The following GPR39 variants were observed in gnomAD, a reference collection of about 807,000 sequenced individuals.
The protein encoded by GPR39 is zinc sensing receptor.
In GPR39, 23 loss-of-function variants were observed where a neutral mutation model predicts 18.4. The observed-to-expected ratio is 1.25, with a 90% confidence interval of 0.90 to 1.77. The LOEUF is 1.77. Ranked by LOEUF, GPR39 falls within the 40% of genes most tolerant of loss-of-function variation. The probability of loss-of-function intolerance (pLI) is 0.00; values close to 1 mark genes in which losing one functional copy is unlikely to be tolerated. For missense variants in GPR39, 647 were observed against 602.4 expected, an observed-to-expected ratio of 1.07 and a Z score of -0.78; for synonymous variants, 280 against 257.9, an observed-to-expected ratio of 1.09 and a Z score of -0.82.
chr2:132,591,467 TC>T (rs1680842436), intron 1 of GPR39, among the ~76,000 whole-genome samples: 1 of 152,080 alleles, frequency 6.6e-6, no homozygotes, highest in Admixed American at 6.5e-5. Context: ...ACTGTCAGCT[TC>T]CCTACTTTTG....
chr2:132,569,529 G>A lies in GPR39; in HGVS notation c.857-75572G>A, dbSNP rs1032235746. ...AGCAGCTGTGGTGGGGAGGGGGGCT[G>A]TGGAGCTCTGTGGGGATGGGGTCCT... On this transcript the variant is annotated intron_variant, in intron 1 of 1. Coordinates refer to ENST00000329321, the MANE Select transcript of GPR39 (RefSeq NM_001508.3). Among the ~76,000 whole-genome samples, 90 of 151,886 alleles carry A rather than the reference G, an allele frequency of 5.9e-4. 2 individuals carry two copies. The highest frequency in any genetic ancestry group is 2.1e-3 in the African/African-American group (86 of 41,332).
chr2:132,434,106 TCTGC>T (rs1680269475), intron 1 of GPR39, among the ~76,000 whole-genome samples: 1 of 151,994 alleles, frequency 6.6e-6, no homozygotes, highest in African/African-American at 2.4e-5. Flanking sequence ...AGAAAGGATA[TCTGC>T]CTGGAGAGGT....
intron 1 of GPR39, among the ~76,000 whole-genome samples, chr2:132,427,187 C>A (rs1343630633): frequency 1.9e-5 from 2 of 107,110 alleles, no homozygotes; most frequent in Non-Finnish European, 3.6e-5. Context: ...TTTTTTGAGA[C>A]GGAGTCTTGC....
At chr2:132,564,215 G>C (rs969551254) in intron 1 of GPR39, among the ~76,000 whole-genome samples, 4 of 152,156 alleles carry the variant, frequency 2.6e-5, no homozygotes, top group African/African-American at 4.8e-5. Context: ...AAATGTAATA[G>C]TGTTAGTTTA....
intron 1 of GPR39, among the ~76,000 whole-genome samples, chr2:132,502,617 C>T (rs2104751660): frequency 6.6e-6 from 1 of 152,292 alleles, no homozygotes; most frequent in South Asian, 2.1e-4. Context: ...ATCTGGATCT[C>T]TAGCAAGGCT....
chr2:132,638,302 A>G (rs1271811566), intron 1 of GPR39, among the ~76,000 whole-genome samples: 1 of 152,202 alleles, frequency 6.6e-6, no homozygotes, highest in Non-Finnish European at 1.5e-5. Context: ...TAAAGGCTTC[A>G]GTGACAGTGC....
chr2:132,612,306 C>G (rs1681251466), intron 1 of GPR39, among the ~76,000 whole-genome samples: 1 of 152,032 alleles, frequency 6.6e-6, no homozygotes, highest in Non-Finnish European at 1.5e-5. Context: ...TCAACAGCCT[C>G]CCCCTCCCCT....
At chr2:132,453,767 G>A (rs1259174118) in intron 1 of GPR39, among the ~76,000 whole-genome samples, 2 of 152,076 alleles carry the variant, frequency 1.3e-5, no homozygotes, top group African/African-American at 2.4e-5. Flanking sequence ...TTTTTGTCAG[G>A]TTGGTCAAAG....
chr2:132,493,958 T>A (rs2104798958), intron 1 of GPR39, among the ~76,000 whole-genome samples: 1 of 152,162 alleles, frequency 6.6e-6, no homozygotes, highest in East Asian at 1.9e-4. Flanking sequence ...AAACTTCCGA[T>A]CAACTAAAGA....
chr2:132,524,608 T>A (rs528645994), intron 1 of GPR39, among the ~76,000 whole-genome samples: 3 of 152,320 alleles, frequency 2.0e-5, no homozygotes, highest in Admixed American at 6.5e-5. Context: ...GCTGTCAGCA[T>A]CTTTGTCCCA....
intron 1 of GPR39, among the ~76,000 whole-genome samples, chr2:132,582,173 C>G (rs151104044): frequency 6.6e-6 from 1 of 152,112 alleles, no homozygotes; most frequent in African/African-American, 2.4e-5. Context: ...ACAGGTGATC[C>G]GTGAGAAGGA....
Position 132,449,254 on chromosome 2 carries a change from T to TGG in GPR39, c.856+31356_856+31357insGG, listed in dbSNP as rs59757194. Among the ~76,000 whole-genome samples, 330 of 151,822 alleles carry TGG rather than the reference T, an allele frequency of 2.2e-3. 1 individual carries two copies. The highest frequency in any genetic ancestry group is 7.3e-3 in the African/African-American group (304 of 41,400). On this transcript the variant is annotated intron_variant, in intron 1 of 1. Coordinates refer to ENST00000329321, the MANE Select transcript of GPR39 (RefSeq NM_001508.3). ...GTGTTTTTTTGTTTGTTTGTTTGTT[T>TGG]TGTTTTGTTTTGAGACAGAGTCTCG...
intron 1 of GPR39, among the ~76,000 whole-genome samples, chr2:132,615,831 G>A (rs1681324003): frequency 6.6e-6 from 1 of 152,118 alleles, no homozygotes; most frequent in African/African-American, 2.4e-5. Context: ...ATTTAAGGAG[G>A]CCTTTACTCT....
chr2:132,518,586 G>T (rs959128538), intron 1 of GPR39, among the ~76,000 whole-genome samples: 1 of 152,040 alleles, frequency 6.6e-6, no homozygotes, highest in Non-Finnish European at 1.5e-5. Context: ...CACAGAGATG[G>T]GCTTCCTCTG....
At chr2:132,471,471 G>A (rs1279953594) in intron 1 of GPR39, among the ~76,000 whole-genome samples, 1 of 152,104 alleles carries the variant, frequency 6.6e-6, no homozygotes, top group Non-Finnish European at 1.5e-5. Context: ...AGTATGTGGG[G>A]TTAGGATGCA....
At chr2:132,490,850 C>A (rs1463969672) in intron 1 of GPR39, among the ~76,000 whole-genome samples, 1 of 152,104 alleles carries the variant, frequency 6.6e-6, no homozygotes, top group Non-Finnish European at 1.5e-5. Flanking sequence ...GCAGCAAGAG[C>A]CTCTCTAACT....
rs921533799 is a variant in GPR39 at position 132,455,165 on chromosome 2, A to T, written c.856+37267A>T. ...TTATTGCCTCAATTTCAGAACCTGT[A>T]ATTGGTCTTTTCAGAGATTCGACTT... is the stretch of plus-strand genomic sequence containing the variant. On this transcript the variant is annotated intron_variant, in intron 1 of 1. Coordinates refer to ENST00000329321, the MANE Select transcript of GPR39 (RefSeq NM_001508.3). 2.6e-5 allele frequency among the ~76,000 whole-genome samples: 4 copies of T among 152,090 alleles called. No homozygotes were observed. The East Asian group carries it at 5.8e-4, about 22-fold the overall frequency.
intron 1 of GPR39, among the ~76,000 whole-genome samples, chr2:132,606,706 TTAG>T (rs1197789880): frequency 1.3e-5 from 2 of 152,124 alleles, no homozygotes; most frequent in African/African-American, 4.8e-5. Context: ...GCCGAAAAAA[TTAG>T]ATCACACGAG....
chr2:132,495,601 G>C (rs994833261), intron 1 of GPR39, among the ~76,000 whole-genome samples: 1 of 152,100 alleles, frequency 6.6e-6, no homozygotes, highest in African/African-American at 2.4e-5. Flanking sequence ...TTTCACTTAA[G>C]GTGCACAGAG....
Sources: gnomAD v4.1 joint callset for allele counts (sites outside exome capture counted in the v4.1 genomes callset) on GRCh38, gnomAD v4.1.1 for gene constraint, MANE v1.5 for transcripts, NCBI Gene and HGNC (gene_info 2026-07-23, HGNC 2026-07-21) for gene names.